The following TTLL5 variants were observed in gnomAD, a reference collection of about 807,000 sequenced individuals.
The protein encoded by TTLL5 is tubulin polyglutamylase TTLL5.
Under a neutral mutation model 168.4 loss-of-function variants are expected in TTLL5, and 132 were observed. The observed-to-expected ratio is 0.78, with a 90% CI of 0.68 to 0.91. The LOEUF is 0.91. Among genes scored for constraint, TTLL5 ranks in the 40% least tolerant of loss-of-function variants. The probability of loss-of-function intolerance (pLI) is 0.00; values close to 1 mark genes in which losing one functional copy is unlikely to be tolerated. For synonymous variants in TTLL5, 546 were observed against 558.6 expected, an observed-to-expected ratio of 0.98 and a Z score of 0.32; for missense variants, 1,545 against 1,581.5, an observed-to-expected ratio of 0.98 and a Z score of 0.39.
At chr14:75,777,450 G>A (rs1891780328) in intron 23 of TTLL5, among the ~76,000 whole-genome samples, 1 of 152,124 alleles carries the variant, frequency 6.6e-6, no homozygotes, top group Non-Finnish European at 1.5e-5. Context: ...CATGCTTAGG[G>A]TTAGCCTTTA....
intron 3 of TTLL5, among the ~76,000 whole-genome samples, chr14:75,677,564 AT>A (rs918000405): frequency 6.7e-6 from 1 of 150,028 alleles, no homozygotes; most frequent in Non-Finnish European, 1.5e-5. Context: ...GCCTGGCTAA[AT>A]TTTGTATTTT....
intron 2 of TTLL5, among the ~76,000 whole-genome samples, chr14:75,666,267 C>T (rs1473194561): frequency 6.6e-6 from 1 of 152,202 alleles, no homozygotes; most frequent in East Asian, 1.9e-4. Context: ...TAGATCTGCT[C>T]AGATCCCTAG....
intron 31 of TTLL5, among the ~76,000 whole-genome samples, chr14:75,920,726 T>C (rs991871703): frequency 2.6e-5 from 4 of 152,218 alleles, no homozygotes; most frequent in African/African-American, 9.7e-5. Flanking sequence ...CATGTGTCTT[T>C]ATAGTAGCAT....
chr14:75,910,481 A>G (rs1008866918), intron 31 of TTLL5, among the ~76,000 whole-genome samples: 1 of 152,208 alleles, frequency 6.6e-6, no homozygotes, highest in African/African-American at 2.4e-5. Context: ...ACTCCAGGTT[A>G]TCGATCTGTT....
intron 13 of TTLL5, 103 bp downstream of exon 13, chr14:75,732,522 T>C (rs931634826): frequency 1.1e-5 from 11 of 985,082 alleles, no homozygotes; most frequent in East Asian, 5.2e-5. Flanking sequence ...ACTGTTTTTT[T>C]CCTAGTTATT....
rs751690180 is a variant in TTLL5 at position 75,752,907 on chromosome 14, A to T, written c.1502A>T (p.His501Leu). The T allele has an allele frequency of 1.2e-6, 2 of 1,613,558 alleles. No homozygotes were observed. The highest frequency in any genetic ancestry group is 2.2e-5 in the South Asian group (2 of 91,040). The change falls in exon 18 of 32, where the codon CAT becomes CTT. Residue 501 changes from histidine (H) to leucine (L), a missense_variant. Transcript: ENST00000298832. ...TTGCTTTTCAGGTCCTACCTCGAGCATAAGACCTCAATGAACTATATGCTG... is the reference window on the plus strand; with the variant it reads ...TTGCTTTTCAGGTCCTACCTCGAGCTTAAGACCTCAATGAACTATATGCTG... ...TWEIYGSYLEHKTSMNYMLAT... is the reference protein window; with the variant it reads ...TWEIYGSYLELKTSMNYMLAT...
chr14:75,858,208 G>A (rs1258147195), intron 28 of TTLL5, among the ~76,000 whole-genome samples: 1 of 152,094 alleles, frequency 6.6e-6, no homozygotes, highest in East Asian at 1.9e-4. Flanking sequence ...TTTTTTCACT[G>A]TGTTGACATT....
intron 9 of TTLL5, among the ~76,000 whole-genome samples, chr14:75,713,953 GA>G (rs766714266): frequency 2.1e-4 from 32 of 151,742 alleles, no homozygotes; most frequent in Non-Finnish European, 4.3e-4. Flanking sequence ...ATTGTCCTAA[GA>G]TTTTTTTTTT....
intron 29 of TTLL5, among the ~76,000 whole-genome samples, chr14:75,873,352 G>C (rs935780548): frequency 6.6e-6 from 1 of 152,188 alleles, no homozygotes; most frequent in Admixed American, 6.5e-5. Context: ...GGGATTACAG[G>C]TGTGAGCCAC....
chr14:75,902,531 T>C (rs1205963695), intron 31 of TTLL5: 4 of 535,730 alleles, frequency 7.5e-6, no homozygotes, highest in Admixed American at 2.2e-5. Flanking sequence ...CTATGTTGTA[T>C]TTCCGCATGT....
At position 75,782,589 on chromosome 14, in the gene TTLL5, C is replaced by A; in HGVS notation, c.2602+16C>A. 1.9e-6 allele frequency: 3 copies of A among 1,602,966 alleles called. No homozygotes were observed. The highest frequency in any genetic ancestry group is 2.6e-6 in the Non-Finnish European group (3 of 1,171,186). ...AAATTATCTCGTGAGTGATTTCAAA[C>A]CTACCTAGATTTGCTGCTCTCTGAT... is the stretch of plus-strand genomic sequence containing the variant. On this transcript the variant is annotated intron_variant, in intron 25 of 31. Coordinates refer to ENST00000298832, the MANE Select transcript of TTLL5 (RefSeq NM_015072.5).
At chr14:75,865,585 ACTATGCTT>A (rs1163112682) in intron 29 of TTLL5, among the ~76,000 whole-genome samples, 22 of 152,296 alleles carry the variant, frequency 1.4e-4, no homozygotes, top group African/African-American at 5.1e-4. Context: ...TACCTTTTAA[ACTATGCTT>A]CAATACCTTG....
intron 27 of TTLL5, among the ~76,000 whole-genome samples, chr14:75,800,148 G>A (rs959516260): frequency 6.6e-6 from 1 of 152,140 alleles, no homozygotes; most frequent in African/African-American, 2.4e-5. Flanking sequence ...CTTCTTGGAG[G>A]CTTTGTTCAT....
chr14:75,684,946 A>G (rs890481042), intron 5 of TTLL5: 1 of 152,190 alleles, frequency 6.6e-6, no homozygotes, highest in Non-Finnish European at 1.5e-5. Flanking sequence ...TTCTTTGTAT[A>G]CTTTTCTGTA....
rs763162558 is a variant in TTLL5, at chr14:75,669,513, G to A, written c.172G>A (p.Val58Ile). The A allele has an allele frequency of 6.2e-7, 1 of 1,613,784 alleles. No homozygotes were observed. The highest frequency in any genetic ancestry group is 8.5e-7 in the Non-Finnish European group (1 of 1,179,790). ...TCTTACAAAGGACAACAATATTAGAGTAATTGGAGGTGCGTATAACCTCTC... is the reference window on the plus strand; with the variant it reads ...TCTTACAAAGGACAACAATATTAGAATAATTGGAGGTGCGTATAACCTCTC... ...AILTKDNNIR[V>I]IGERYHLSYK... Residue 58 changes from valine (V) to isoleucine (I), a missense_variant, in exon 3 of 32, where the codon GTA (valine) becomes ATA (isoleucine). Val to Ile is a conservative substitution (Grantham distance 29, BLOSUM62 3). Coordinates refer to ENST00000298832, the MANE Select transcript of TTLL5 (RefSeq NM_015072.5).
intron 29 of TTLL5, among the ~76,000 whole-genome samples, chr14:75,864,908 T>G (rs1389912170): frequency 6.6e-6 from 1 of 152,200 alleles, no homozygotes; most frequent in Non-Finnish European, 1.5e-5. Flanking sequence ...TATTATAGTC[T>G]GTCTTATCTT....
At chr14:75,778,357 T>C (rs1000129078) in intron 23 of TTLL5, among the ~76,000 whole-genome samples, 4 of 152,162 alleles carry the variant, frequency 2.6e-5, no homozygotes, top group Non-Finnish European at 5.9e-5. Flanking sequence ...CAGGAAAACA[T>C]AAATTATGAA....
Position 75,927,283 on chromosome 14 carries a change from T to C in TTLL5, c.3823+25059T>C, listed in dbSNP as rs534806002. On this transcript the variant is annotated intron_variant, in intron 31 of 31. Transcript: ENST00000298832. Reference sequence around the variant, plus strand: ...AATTATACTATTTTATAACATACAATTAAGTTATTGTTAACTATAACCACC... The same window carrying C: ...AATTATACTATTTTATAACATACAACTAAGTTATTGTTAACTATAACCACC... Among the ~76,000 whole-genome samples the C allele has an allele frequency of 7.2e-4, 109 of 152,312 alleles. 1 individual carries two copies. Among genetic ancestry groups the C allele is most frequent in the African/African-American group, 2.6e-3 (106 of 41,566 alleles).
rs191773460 is a variant in TTLL5, at chr14:75,857,754, C to T, written c.3327-5913C>T. Among the ~76,000 whole-genome samples, 185 of 151,664 alleles carry T rather than the reference C, an allele frequency of 1.2e-3. 1 individual carries two copies. Among genetic ancestry groups the T allele is most frequent in the Admixed American group, 2.8e-3 (43 of 15,206 alleles). On this transcript the variant is annotated intron_variant, in intron 28 of 31. Coordinates refer to ENST00000298832, the MANE Select transcript of TTLL5 (RefSeq NM_015072.5). Reference sequence around the variant, plus strand: ...GCAACCTCCGCCTCCCAGGTTCAAGCGATTCTCCTGCCTCAGCCTCCTGAG... The same window carrying T: ...GCAACCTCCGCCTCCCAGGTTCAAGTGATTCTCCTGCCTCAGCCTCCTGAG...
Sources: gnomAD v4.1 joint callset for allele counts (sites outside exome capture counted in the v4.1 genomes callset) on GRCh38, gnomAD v4.1.1 for gene constraint, MANE v1.5 for transcripts, NCBI Gene and HGNC (gene_info 2026-07-23, HGNC 2026-07-21) for gene names.